Variants in FBN2 observed in about 807,000 individuals in gnomAD.
The protein encoded by FBN2 is fibrillin-2.
A neutral mutation model predicts 355.6 loss-of-function variants in FBN2; 105 were observed. The ratio of observed to expected loss-of-function variants is 0.30; its 90% CI spans 0.25 to 0.35. The LOEUF (loss-of-function observed/expected upper bound fraction) is 0.35. Ranked by LOEUF, FBN2 falls within the 10% of genes least tolerant of loss-of-function variation. The pLI, the probability that FBN2 is intolerant of heterozygous loss-of-function variation, is 1.00. For synonymous variants in FBN2, 1,350 were observed against 1,301.2 expected, an observed-to-expected ratio of 1.04 and a Z score of -0.81; for missense variants, 3,280 against 3,758.7, an observed-to-expected ratio of 0.87 and a Z score of 3.33.
At chr5:128,475,462 T>C (rs1015914642) in intron 5 of FBN2, among the ~76,000 whole-genome samples, 11 of 151,992 alleles carry the variant, frequency 7.2e-5, no homozygotes, top group African/African-American at 2.2e-4. Flanking sequence ...TGGAAGTCAG[T>C]GAGAATAAAC....
intron 62 of FBN2, among the ~76,000 whole-genome samples, chr5:128,267,156 C>A (rs1208545297): frequency 1.3e-5 from 2 of 152,202 alleles, no homozygotes; most frequent in Non-Finnish European, 2.9e-5. Flanking sequence ...GACATGCTCT[C>A]ATTCCTTTTT....
chr5:128,422,403 T>C (rs1325353055), intron 7 of FBN2, among the ~76,000 whole-genome samples: 1 of 152,154 alleles, frequency 6.6e-6, no homozygotes, highest in Non-Finnish European at 1.5e-5. Context: ...ACTAAGCTTT[T>C]GGGAAAATTT....
chr5:128,478,918 G>A (rs77396757), intron 5 of FBN2, among the ~76,000 whole-genome samples: 8,660 of 152,240 alleles, frequency 0.057, 334 homozygotes, highest in South Asian at 0.16. Flanking sequence ...AGTTTTATTC[G>A]ATAGCATTCC....
chr5:128,506,418 A>G (rs557423441), intron 5 of FBN2, among the ~76,000 whole-genome samples: 2 of 152,284 alleles, frequency 1.3e-5, no homozygotes, highest in South Asian at 4.1e-4. Context: ...ATTACATAAT[A>G]AATAAGATGA....
intron 56 of FBN2, among the ~76,000 whole-genome samples, chr5:128,279,491 A>ATACTAATATG (rs1765479835): frequency 2.6e-5 from 4 of 152,158 alleles, no homozygotes; most frequent in Non-Finnish European, 5.9e-5. Flanking sequence ...TAGAGATAAC[A>ATACTAATATG]ATAAACAAAA....
At chr5:128,325,742 T>C (rs1211595166) in intron 34 of FBN2, among the ~76,000 whole-genome samples, 7 of 152,328 alleles carry the variant, frequency 4.6e-5, no homozygotes, top group Middle Eastern at 3.4e-3. Context: ...TTTTCTCTAA[T>C]AGTGTTAATT....
intron 41 of FBN2, among the ~76,000 whole-genome samples, chr5:128,308,805 A>C (rs1749955743): frequency 6.6e-6 from 1 of 152,182 alleles, no homozygotes; most frequent in Non-Finnish European, 1.5e-5. Context: ...ATTCGCTCAT[A>C]AAAAACACTT....
intron 11 of FBN2, among the ~76,000 whole-genome samples, chr5:128,385,522 T>C (rs1469812329): frequency 6.6e-6 from 1 of 152,176 alleles, no homozygotes; most frequent in East Asian, 1.9e-4. Context: ...TGAAAATATG[T>C]GTACATGTGT....
At chr5:128,501,030 G>A (rs1755795275) in intron 5 of FBN2, among the ~76,000 whole-genome samples, 1 of 152,280 alleles carries the variant, frequency 6.6e-6, no homozygotes, top group East Asian at 1.9e-4. Context: ...GGAGCAGCAG[G>A]CTGGGGTGAA....
intron 31 of FBN2, 48 bp from the exon 32 acceptor site, chr5:128,333,082 A>T (rs752340705): frequency 6.6e-7 from 1 of 1,509,658 alleles, no homozygotes; most frequent in South Asian, 1.1e-5. Context: ...CAAACTAATT[A>T]ATTCTACTTC....
In FBN2 at chr5:128,537,791, G is replaced by A. The variant is rs1035685662; in HGVS notation, c.-188C>T. 2.0e-5 allele frequency: 13 copies of A among 634,930 alleles called. No individual in the cohort carries two copies. In the East Asian group the frequency reaches 3.3e-4, roughly 16 times the overall value. The allele number at this position is 634,930 out of a possible 1,614,324, so 39.3% of individuals were successfully genotyped here. ...CGCCGGCCCCCTGACTGCCCGCGAA[G>A]CGAGACGCGGGGCGCCGGGTCTAGC... On this transcript the variant is annotated 5_prime_UTR_variant, in exon 1 of 65. Coordinates refer to ENST00000262464, the MANE Select transcript of FBN2 (RefSeq NM_001999.4).
chr5:128,509,906 T>G (rs893584930), intron 5 of FBN2, among the ~76,000 whole-genome samples: 1 of 106,646 alleles, frequency 9.4e-6, no homozygotes, highest in African/African-American at 7.7e-5. Flanking sequence ...CAGGCTTATG[T>G]GCAACTCTGA....
rs182515008 is a variant in FBN2 at position 128,464,965 on chromosome 5, T to C, written c.629-44A>G. ...AAGAAAGACAGGTTTTATGATCATA[T>C]ACTAATCTTATACCAGTGCCTCCAA... On this transcript the variant is annotated intron_variant, in intron 5 of 64. Coordinates refer to ENST00000262464, the MANE Select transcript of FBN2 (RefSeq NM_001999.4). 151 of 1,564,552 alleles carry C rather than the reference T, an allele frequency of 9.7e-5. 1 individual carries two copies. In the African/African-American group the frequency reaches 1.5e-3, roughly 15 times the overall value.
chr5:128,482,629 A>T (rs1724079823), intron 5 of FBN2, among the ~76,000 whole-genome samples: 1 of 152,040 alleles, frequency 6.6e-6, no homozygotes. Flanking sequence ...CTGCATTTAG[A>T]TTAGAGTTTT....
chr5:128,432,488 C>A (rs538951199), intron 7 of FBN2, among the ~76,000 whole-genome samples: 1 of 152,082 alleles, frequency 6.6e-6, no homozygotes. Flanking sequence ...CTGTCTATGG[C>A]GGATTTTGCA....
At chr5:128,335,041 G>C (rs1275930753) in intron 30 of FBN2, 129 bp downstream of exon 30, 3 of 1,380,780 alleles carry the variant, frequency 2.2e-6, no homozygotes, top group Non-Finnish European at 3.0e-6. Context: ...AGATTTTACA[G>C]TTCTAGTAAA....
intron 8 of FBN2, among the ~76,000 whole-genome samples, chr5:128,405,527 A>C (rs1752904067): frequency 6.6e-6 from 1 of 152,220 alleles, no homozygotes; most frequent in Non-Finnish European, 1.5e-5. Context: ...TTAGTAAATC[A>C]TTAGGTACGT....
At chr5:128,394,442 G>A (rs1241752720) in intron 9 of FBN2, among the ~76,000 whole-genome samples, 2 of 152,066 alleles carry the variant, frequency 1.3e-5, no homozygotes, top group African/African-American at 4.8e-5. Context: ...GAGAAGAGAG[G>A]AAATATCTTC....
chr5:128,345,111 C>T (rs907317882), intron 24 of FBN2, among the ~76,000 whole-genome samples: 6 of 152,114 alleles, frequency 3.9e-5, no homozygotes, highest in Middle Eastern at 3.2e-3. Flanking sequence ...GCTATCAGGG[C>T]GACATCTCCG....
Sources: gnomAD v4.1 joint callset for allele counts (sites outside exome capture counted in the v4.1 genomes callset) on GRCh38, gnomAD v4.1.1 for gene constraint, MANE v1.5 for transcripts, NCBI Gene and HGNC (gene_info 2026-07-23, HGNC 2026-07-21) for gene names.